Variants in TBC1D5 observed in about 807,000 individuals in gnomAD.
The protein encoded by TBC1D5 is TBC1 domain family member 5, also known as TBC1 domain family, member 5.
A neutral mutation model predicts 100.3 loss-of-function variants in TBC1D5; 75 were observed. The observed-to-expected ratio is 0.75, with a 90% CI of 0.62 to 0.91. The LOEUF is 0.91. TBC1D5 is among the 40% of genes least tolerant of loss of function. TBC1D5 has a pLI of 0.00. For missense variants in TBC1D5, 910 were observed against 942.4 expected, an observed-to-expected ratio of 0.97 and a Z score of 0.45; for synonymous variants, 323 against 325.6, an observed-to-expected ratio of 0.99 and a Z score of 0.09.
intron 1 of TBC1D5, among the ~76,000 whole-genome samples, chr3:17,634,903 C>T (rs2063782168): frequency 6.6e-6 from 1 of 151,948 alleles, no homozygotes; most frequent in East Asian, 1.9e-4. Flanking sequence ...AATCTGCTAT[C>T]GAATACAATT....
intron 1 of TBC1D5, among the ~76,000 whole-genome samples, chr3:17,707,365 T>C (rs2074283707): frequency 2.0e-5 from 3 of 152,168 alleles, no homozygotes; most frequent in Admixed American, 2.0e-4. Context: ...CACAGTTAAG[T>C]GTAACTTATT....
chr3:17,233,523 T>G (rs745899162), intron 17 of TBC1D5, among the ~76,000 whole-genome samples, 162 bp downstream of exon 18: 6 of 152,212 alleles, frequency 3.9e-5, no homozygotes, highest in Non-Finnish European at 8.8e-5. Context: ...GAGAGGGGAC[T>G]TTTGTTCTTA....
chr3:17,731,468 T>C (rs963604074), intron 1 of TBC1D5, among the ~76,000 whole-genome samples: 9 of 133,558 alleles, frequency 6.7e-5, no homozygotes, highest in Middle Eastern at 5.6e-3. Context: ...ATCGTGCCAC[T>C]GCACTCCAGC....
intron 3 of TBC1D5, among the ~76,000 whole-genome samples, chr3:17,478,759 T>G (rs1378380172): frequency 6.6e-6 from 1 of 152,178 alleles, no homozygotes. Flanking sequence ...CCTGGCAGTT[T>G]GTTTACTTGG....
At chr3:17,558,203 T>C (rs111806196) in intron 2 of TBC1D5, among the ~76,000 whole-genome samples, 1 of 152,190 alleles carries the variant, frequency 6.6e-6, no homozygotes, top group African/African-American at 2.4e-5. Flanking sequence ...TCCCAAAACC[T>C]GAGAGGATTT....
chr3:17,491,519 G>C lies in TBC1D5; in HGVS notation c.97+16955C>G, dbSNP rs571483950. On this transcript the variant is annotated intron_variant, in intron 3 of 21. Transcript: ENST00000253692. ...TAGTTGAGAGTTTTTAACATGAAGG[G>C]ATGTTCAATTTTATTGAAGGCCTTT... 1.6e-4 allele frequency among the ~76,000 whole-genome samples: 25 copies of C among 152,246 alleles called. No individual in the cohort carries two copies. The East Asian group carries it at 4.8e-3, about 29-fold the overall frequency.
At chr3:17,674,543 TAG>T in intron 1 of TBC1D5, among the ~76,000 whole-genome samples, 1 of 152,318 alleles carries the variant, frequency 6.6e-6, no homozygotes, top group South Asian at 2.1e-4. Flanking sequence ...ATAAATCTAC[TAG>T]AGTGTGATCA....
At chr3:17,218,771 T>C (rs2073938392) in intron 17 of TBC1D5, among the ~76,000 whole-genome samples, 1 of 152,054 alleles carries the variant, frequency 6.6e-6, no homozygotes, top group African/African-American at 2.4e-5. Flanking sequence ...AGAAGTCAGC[T>C]GTCAATCTTA....
chr3:17,409,469 C>T (rs1461056853), intron 4 of TBC1D5, among the ~76,000 whole-genome samples: 2 of 152,026 alleles, frequency 1.3e-5, no homozygotes, highest in East Asian at 1.9e-4. Flanking sequence ...AGTCATAGGT[C>T]TCTTAATTTA....
chr3:17,597,523 G>T (rs2060646764), intron 2 of TBC1D5, among the ~76,000 whole-genome samples: 1 of 151,982 alleles, frequency 6.6e-6, no homozygotes, highest in Non-Finnish European at 1.5e-5. Flanking sequence ...TGTAACTATG[G>T]GAAACTTGGT....
chr3:17,729,704 CA>C (rs2076403887), intron 1 of TBC1D5, among the ~76,000 whole-genome samples: 1 of 151,628 alleles, frequency 6.6e-6, no homozygotes, highest in Non-Finnish European at 1.5e-5. Context: ...GAGACTGTCT[CA>C]AAAACAACAA....
chr3:17,656,715 C>CT (rs2066096597), intron 1 of TBC1D5, among the ~76,000 whole-genome samples: 1 of 152,088 alleles, frequency 6.6e-6, no homozygotes, highest in African/African-American at 2.4e-5. Flanking sequence ...TCAAATACTA[C>CT]TTTTTTTAAT....
chr3:17,255,522 C>T (rs575674311), intron 16 of TBC1D5, among the ~76,000 whole-genome samples: 2 of 152,086 alleles, frequency 1.3e-5, no homozygotes, highest in African/African-American at 2.4e-5. Flanking sequence ...TCTTACTGAA[C>T]TGCCTAAATT....
intron 9 of TBC1D5, among the ~76,000 whole-genome samples, chr3:17,380,253 T>C (rs1309449304): frequency 6.6e-6 from 1 of 152,012 alleles, no homozygotes; most frequent in African/African-American, 2.4e-5. Context: ...AATTAATAAA[T>C]AAAGGTGTTC....
chr3:17,731,909 C>T (rs1011851595), intron 1 of TBC1D5, among the ~76,000 whole-genome samples: 5 of 152,124 alleles, frequency 3.3e-5, no homozygotes, highest in African/African-American at 1.2e-4. Flanking sequence ...AATTCTGTTG[C>T]AGACTTACTA....
At chr3:17,535,986 C>T (rs972369233) in intron 2 of TBC1D5, among the ~76,000 whole-genome samples, 4 of 152,062 alleles carry the variant, frequency 2.6e-5, no homozygotes, top group Admixed American at 2.6e-4. Flanking sequence ...TAAACTAAAA[C>T]TATGTCAAAG....
intron 17 of TBC1D5, 57 bp downstream of exon 17, chr3:17,238,106 G>C: frequency 6.5e-7 from 1 of 1,548,370 alleles, no homozygotes; most frequent in Non-Finnish European, 8.7e-7. Flanking sequence ...GGCAGGTGAA[G>C]AAATCCCAGG....
chr3:17,544,180 T>C (rs1411580966), intron 2 of TBC1D5, among the ~76,000 whole-genome samples: 1 of 152,134 alleles, frequency 6.6e-6, no homozygotes, highest in African/African-American at 2.4e-5. Flanking sequence ...GAAAATCTGC[T>C]TTTCTTAAAA....
intron 13 of TBC1D5, among the ~76,000 whole-genome samples, chr3:17,369,338 T>A (rs1288937496): frequency 6.6e-6 from 1 of 152,126 alleles, no homozygotes; most frequent in Admixed American, 6.6e-5. Context: ...TGACAAATAA[T>A]GATAATAAAG....
Sources: allele counts gnomAD v4.1 joint callset (sites outside exome capture counted in the v4.1 genomes callset), GRCh38; gene constraint gnomAD v4.1.1; transcripts MANE v1.5; gene names NCBI Gene and HGNC (gene_info 2026-07-23, HGNC 2026-07-21).